The following C1orf167 variants were observed in gnomAD, a reference collection of about 807,000 sequenced individuals.
C1orf167 encodes the protein uncharacterized protein C1orf167.
Under a neutral mutation model 176.5 loss-of-function variants are expected in C1orf167, and 153 were observed. That is an observed-to-expected ratio of 0.87 (90% CI 0.76 to 0.99). The LOEUF (loss-of-function observed/expected upper bound fraction) is 0.99. C1orf167 is among the 50% of genes least tolerant of loss of function. C1orf167 has a pLI of 0.00. For missense variants in C1orf167, 1,490 were observed against 1,817.7 expected (o/e 0.82, Z 3.28); for synonymous variants, 594 against 752.7 (o/e 0.79, Z 3.45).
At chr1:11,788,956 G>T in intron 20 of C1orf167, 1 of 393,326 alleles carries the variant, frequency 2.5e-6, no homozygotes, top group Non-Finnish European at 4.7e-6. Flanking sequence ...GCTCAGGCCA[G>T]GCCCACCCGG....
chr1:11,787,981 G>A lies in C1orf167; in HGVS notation c.3782G>A (p.Arg1261Lys), dbSNP rs1324552013. The A allele has an allele frequency of 4.6e-6, 6 of 1,304,180 alleles. No individual in the cohort carries two copies. The highest frequency in any genetic ancestry group is 6.1e-6 in the Non-Finnish European group (6 of 988,942). 80.8% of individuals were successfully genotyped at this position (1,304,180 alleles called of 1,614,324 possible). Reference protein sequence around the residue: ...LPLWTRDQGPRAHSSPEPRAC... With the variant: ...LPLWTRDQGPKAHSSPEPRAC... Reference sequence around the variant, plus strand: ...CTGTGGACGAGGGACCAGGGACCAAGAGCGCACTCCAGCCCTGAGCCCAGA... The same window carrying A: ...CTGTGGACGAGGGACCAGGGACCAAAAGCGCACTCCAGCCCTGAGCCCAGA... Residue 1261 changes from arginine to lysine, a missense_variant, in exon 18 of 21, where the codon AGA (arginine) becomes AAA (lysine). Arg to Lys is a conservative substitution (Grantham distance 26, BLOSUM62 2). Coordinates refer to ENST00000688073, the MANE Select transcript of C1orf167 (RefSeq NM_001010881.2).
intron 13 of C1orf167, among the ~76,000 whole-genome samples, chr1:11,781,580 GT>G (rs1306169382): frequency 2.2e-4 from 34 of 152,196 alleles, no homozygotes; most frequent in Admixed American, 2.2e-3. Context: ...CTGAGCCAGT[GT>G]TTCCAGAACT....
chr1:11,774,206 A>C lies in C1orf167; in HGVS notation c.1989-1229A>C, dbSNP rs569825624. Among the ~76,000 whole-genome samples, 8 of 151,844 alleles carry C rather than the reference A, an allele frequency of 5.3e-5. No individual in the cohort carries two copies. In the South Asian group the frequency reaches 1.7e-3, roughly 32 times the overall value. The stretch of plus-strand genomic sequence containing the variant: ...AGGTGTGAGCTACCATGCCTGGCGA[A>C]TTTTAAAAAATTTTGGTAGAGACAG... On this transcript the variant is annotated intron_variant, in intron 8 of 20. Transcript: ENST00000688073.
At chr1:11,789,205 C>G in intron 20 of C1orf167, 65 bp from the exon 21 acceptor site, 1 of 1,269,084 alleles carries the variant, frequency 7.9e-7, no homozygotes, top group Non-Finnish European at 1.0e-6. Context: ...GTTGCTCTAG[C>G]AGGCACAGCA....
Position 11,765,861 on chromosome 1 carries a change from A to G in C1orf167, c.75A>G (p.Gln25=), listed in dbSNP as rs978097556. Residue 25 remains glutamine, a synonymous_variant, in exon 3 of 21, where the codon CAA becomes CAG. Transcript: ENST00000688073. ...GACTGTCTCTCCTCTCTTTAGAGCA[A>G]CGAAGATTCCGGAGGAGCCTGGGCA... ...PKPAALPKPE[Q]RRFRRSLGIG... 4 of 1,193,016 alleles carry G rather than the reference A, an allele frequency of 3.4e-6. No individual in the cohort carries two copies. The African/African-American group carries it at 6.4e-5, about 19-fold the overall frequency. 73.9% of individuals were successfully genotyped at this position (1,193,016 alleles called of 1,614,324 possible).
intron 8 of C1orf167, among the ~76,000 whole-genome samples, chr1:11,773,530 A>AT (rs1643177445): frequency 6.6e-6 from 1 of 151,990 alleles, no homozygotes; most frequent in Admixed American, 6.6e-5. Context: ...CAACATGGTG[A>AT]AACCCCATCT....
intron 9 of C1orf167, 63 bp from the exon 10 acceptor site, chr1:11,776,401 A>T: frequency 1.4e-5 from 18 of 1,247,946 alleles, no homozygotes; most frequent in Non-Finnish European, 1.9e-5. Context: ...GCAGCTATCA[A>T]TGGCTGTGGG....
chr1:11,778,291 CAAAAAAAA>C (rs70983596), intron 10 of C1orf167: 12 of 75,600 alleles, frequency 1.6e-4, no homozygotes, highest in African/African-American at 5.9e-4. Context: ...GACCCTGTCT[CAAAAAAAA>C]AAAAAAAAAA....
chr1:11,773,083 CAG>C (rs1367138008), intron 8 of C1orf167, among the ~76,000 whole-genome samples: 2 of 151,608 alleles, frequency 1.3e-5, no homozygotes, highest in Non-Finnish European at 2.9e-5. Flanking sequence ...GTATTTTTAG[CAG>C]AGTCAGGGTT....
Position 11,768,403 on chromosome 1 carries a change from G to A in C1orf167, c.1542+128G>A, listed in dbSNP as rs1570382507. On this transcript the variant is annotated intron_variant, in intron 5 of 20. Transcript: ENST00000688073. This position sits in a 1 kb window ranked among gnomAD's most constrained non-coding sequence, Gnocchi z 4.5. The stretch of plus-strand genomic sequence containing the variant: ...CCTCATGAATGATCAGCAGTAAAGG[G>A]TGTAGTTGTGAGTCCACACACCTGA... The A allele has an allele frequency of 2.4e-6, 2 of 821,302 alleles. No homozygotes were observed. Among genetic ancestry groups the A allele is most frequent in the East Asian group, 6.7e-5 (1 of 15,030 alleles). 50.9% of individuals were successfully genotyped at this position (821,302 alleles called of 1,614,324 possible).
chr1:11,770,352 A>G (rs974414283), intron 6 of C1orf167, among the ~76,000 whole-genome samples: 3 of 152,094 alleles, frequency 2.0e-5, no homozygotes, highest in African/African-American at 7.2e-5. Flanking sequence ...TGTGTATTTT[A>G]CCACAATTAA....
chr1:11,778,103 G>C (rs1643407457), intron 10 of C1orf167: 1 of 152,180 alleles, frequency 6.6e-6, no homozygotes, highest in Non-Finnish European at 1.5e-5. Context: ...CCGGGAGCAT[G>C]ATGAGGCCAG....
In C1orf167 at chr1:11,787,963, C is replaced by G. The variant is rs931355611; in HGVS notation, c.3764C>G (p.Thr1255Arg). The G allele has an allele frequency of 5.4e-6, 7 of 1,304,084 alleles. No homozygotes were observed. Among genetic ancestry groups the G allele is most frequent in the African/African-American group, 1.5e-5 (1 of 65,850 alleles). 80.8% of individuals were successfully genotyped at this position (1,304,084 alleles called of 1,614,324 possible). The change falls in exon 18 of 21, where the codon ACG becomes AGG. Residue 1255 changes from threonine to arginine, a missense_variant. Transcript: ENST00000688073. The part of the protein sequence containing the change: ...SSWVPGLPLW[T>R]RDQGPRAHSS... Reference sequence around the variant, plus strand: ...TGGGTCCCAGGCCTGCCCCTGTGGACGAGGGACCAGGGACCAAGAGCGCAC... The same window carrying G: ...TGGGTCCCAGGCCTGCCCCTGTGGAGGAGGGACCAGGGACCAAGAGCGCAC...
chr1:11,782,600 T>G (rs940569858), intron 14 of C1orf167, among the ~76,000 whole-genome samples: 1 of 152,102 alleles, frequency 6.6e-6, no homozygotes, highest in Non-Finnish European at 1.5e-5. Context: ...CCAGGTCAGT[T>G]CTTTGGTTTT....
chr1:11,765,787 G>T, intron 2 of C1orf167, 70 bp from the exon 3 acceptor site: 1 of 1,168,354 alleles, frequency 8.6e-7, no homozygotes. Context: ...TGGCTCCGAG[G>T]CCTGGAGAGC....
In C1orf167 at chr1:11,788,138, T is replaced by A; in HGVS notation, c.3849-11T>A. On this transcript the variant is annotated splice_polypyrimidine_tract_variant and intron_variant, in intron 18 of 20. Transcript: ENST00000688073. ...CTGAGCCATGGCTACAGCTGGGCCC[T>A]CTCTGGCCAGTGCTCGTTCCTGCAG... The A allele has an allele frequency of 7.8e-7, 1 of 1,282,380 alleles. No homozygotes were observed. The highest frequency in any genetic ancestry group is 1.0e-6 in the Non-Finnish European group (1 of 972,482). 79.4% of individuals were successfully genotyped at this position (1,282,380 alleles called of 1,614,324 possible). A position where few individuals can be genotyped will look rare whatever the true frequency, so the allele number is the denominator to read the frequency against.
rs747396907 is a variant in C1orf167 at position 11,765,920 on chromosome 1, C to T, written c.134C>T (p.Pro45Leu). 1.9e-5 allele frequency: 24 copies of T among 1,235,038 alleles called. 1 individual carries two copies. In the South Asian group the frequency reaches 3.1e-4, roughly 16 times the overall value. The allele number at this position is 1,235,038 out of a possible 1,614,324, so 76.5% of individuals were successfully genotyped here. Residue 45 changes from proline (P) to leucine (L), a missense_variant, in exon 3 of 21, where the codon CCC becomes CTC. Pro to Leu is a moderately conservative substitution (Grantham distance 98). Transcript: ENST00000688073. ...AGTGGTAGACATGACCAGTGGGTGC[C>T]CGGGTGCCAGGTGGAGAGGGGAGGG... ...GLSGRHDQWV[P>L]GCQVERGGPA...
In C1orf167 at chr1:11,789,536, G is replaced by A; in HGVS notation, c.*90G>A. 1 of 1,170,424 alleles carries A rather than the reference G, an allele frequency of 8.5e-7. No homozygotes were observed. Among genetic ancestry groups the A allele is most frequent in the Non-Finnish European group, 1.1e-6 (1 of 892,176 alleles). The allele number at this position is 1,170,424 out of a possible 1,614,324, so 72.5% of individuals were successfully genotyped here. A position where few individuals can be genotyped will look rare whatever the true frequency, so the allele number is the denominator to read the frequency against. On this transcript the variant is annotated 3_prime_UTR_variant, in exon 21 of 21. Transcript: ENST00000688073. ...CACATCCAGGGAGTGATGACAGAGG[G>A]GACAGCTTGAAGAGCTCTGAAGGAC...
In C1orf167 at chr1:11,787,935, A is replaced by G; in HGVS notation, c.3736A>G (p.Ser1246Gly). 7.7e-7 allele frequency: 1 copy of G among 1,303,576 alleles called. No homozygotes were observed. The highest frequency in any genetic ancestry group is 1.0e-6 in the Non-Finnish European group (1 of 988,576). The allele number at this position is 1,303,576 out of a possible 1,614,324, so 80.8% of individuals were successfully genotyped here. A position where few individuals can be genotyped will look rare whatever the true frequency, so the allele number is the denominator to read the frequency against. ...QLWPQWPGQS[S>G]WVPGLPLWTR... ...CTGGCCACAGTGGCCTGGACAGAGTAGCTGGGTCCCAGGCCTGCCCCTGTG... is the reference window on the plus strand; with the variant it reads ...CTGGCCACAGTGGCCTGGACAGAGTGGCTGGGTCCCAGGCCTGCCCCTGTG... The change falls in exon 18 of 21, where the codon AGC becomes GGC. Residue 1246 changes from serine (S) to glycine (G), a missense_variant. Coordinates refer to ENST00000688073, the MANE Select transcript of C1orf167 (RefSeq NM_001010881.2).
Sources: gnomAD v4.1 joint callset for allele counts (sites outside exome capture counted in the v4.1 genomes callset) on GRCh38, gnomAD v4.1.1 for gene constraint, Gnocchi (gnomAD v3.1) non-coding constraint, MANE v1.5 for transcripts, NCBI Gene and HGNC (gene_info 2026-07-23, HGNC 2026-07-21) for gene names.